ARHGEF9: variants seen among roughly 807,000 people sequenced by gnomAD.
ARHGEF9 encodes the protein rho guanine nucleotide exchange factor 9.
ARHGEF9 carries 2 observed loss-of-function variants against 41.3 expected under a neutral mutation model. The ratio of observed to expected loss-of-function variants is 0.05; its 90% CI spans 0.02 to 0.15. The LOEUF (loss-of-function observed/expected upper bound fraction) is 0.15, where lower values mean the gene tolerates loss of function less well. Ranked by LOEUF, ARHGEF9 falls within the 10% of genes least tolerant of loss-of-function variation. The pLI is 1.00. For synonymous variants in ARHGEF9, 160 were observed against 154.4 expected, an observed-to-expected ratio of 1.04 and a Z score of -0.27; for missense variants, 225 against 424.7, an observed-to-expected ratio of 0.53 and a Z score of 4.13.
chrX:63,702,293 G>C (rs1295903952), intron 3 of ARHGEF9, among the ~76,000 whole-genome samples: 2 of 112,317 alleles, frequency 1.8e-5, no homozygotes, highest in Non-Finnish European at 3.8e-5. Flanking sequence ...TCTTGCCTCA[G>C]TTTCCTTGAT....
Position 63,655,478 on chromosome X carries a change from C to T in ARHGEF9, c.1321+16G>A. ...CTTCATAGCCATGTTCTTCTTTCTACTCTCAGGTCACTTACCAATTTTTTC... is the reference window on the plus strand; with the variant it reads ...CTTCATAGCCATGTTCTTCTTTCTATTCTCAGGTCACTTACCAATTTTTTC... On this transcript the variant is annotated intron_variant, in intron 8 of 9. Coordinates refer to ENST00000671741, the MANE Select transcript of ARHGEF9 (RefSeq NM_001353921.2). 1 of 1,210,840 alleles carries T rather than the reference C, an allele frequency of 8.3e-7. No individual in the cohort carries two copies. The highest frequency in any genetic ancestry group is 1.8e-5 in the South Asian group (1 of 56,966).
In ARHGEF9 at chrX:63,686,700, G is replaced by A. The variant is rs575792066; in HGVS notation, c.583-8128C>T. ...CTGAGAATGTCACCAAAATAGCACA[G>A]TATATGTAGCTTTACTCTCCTCCAC... On this transcript the variant is annotated intron_variant, in intron 4 of 9. Transcript: ENST00000671741. Among the ~76,000 whole-genome samples, 28 of 110,952 alleles carry A rather than the reference G, an allele frequency of 2.5e-4. No individual in the cohort carries two copies. The Middle Eastern group carries it at 0.019, about 74-fold the overall frequency.
Position 63,697,118 on chromosome X carries a change from T to C in ARHGEF9, c.582+7A>G, listed in dbSNP as rs1346333377. 2 of 1,205,973 alleles carry C rather than the reference T, an allele frequency of 1.7e-6. No individual in the cohort carries two copies. The highest frequency in any genetic ancestry group is 1.8e-5 in the African/African-American group (1 of 56,954). Reference sequence around the variant, plus strand: ...CAAAACCCTCCCCAAATGGATAAGATACTTACGTGCTCTAGGAAGCAGGGT... The same window carrying C: ...CAAAACCCTCCCCAAATGGATAAGACACTTACGTGCTCTAGGAAGCAGGGT... On this transcript the variant is annotated splice_region_variant and intron_variant, in intron 4 of 9. Coordinates refer to ENST00000671741, the MANE Select transcript of ARHGEF9 (RefSeq NM_001353921.2).
chrX:63,677,263 C>T (rs1247927383), intron 5 of ARHGEF9, among the ~76,000 whole-genome samples: 1 of 112,099 alleles, frequency 8.9e-6, no homozygotes, highest in Non-Finnish European at 1.9e-5. Flanking sequence ...CTCCCTCTTA[C>T]ATGCAGTCTT....
chrX:63,733,158 T>C (rs1391169627), intron 1 of ARHGEF9, among the ~76,000 whole-genome samples: 5 of 112,425 alleles, frequency 4.4e-5, no homozygotes, highest in African/African-American at 1.6e-4. Flanking sequence ...CCACTTAAAG[T>C]TCTGACTTGA....
At position 63,762,343 on chromosome X, in the gene ARHGEF9, A is replaced by ATGT. The variant is rs781991520; in HGVS notation, c.30+22770_30+22772dup. 3.8e-4 allele frequency among the ~76,000 whole-genome samples: 42 copies of ATGT among 111,908 alleles called. No individual in the cohort carries two copies. The East Asian group carries it at 4.8e-3, about 13-fold the overall frequency. ...AGGTAGGTAGCCAGGATATGGTAAT[A>ATGT]TGTTGAAATTGCAAAACAAGAAAGG... On this transcript the variant is annotated intron_variant, in intron 1 of 9. Coordinates refer to ENST00000671741, the MANE Select transcript of ARHGEF9 (RefSeq NM_001353921.2).
chrX:63,682,342 G>A (rs372332052), intron 4 of ARHGEF9, among the ~76,000 whole-genome samples: 3 of 109,024 alleles, frequency 2.8e-5, no homozygotes, highest in African/African-American at 6.7e-5. Context: ...GTGAAACCCC[G>A]TCTCTAATAA....
chrX:63,655,438 CAAACCTCCT>C, intron 8 of ARHGEF9, 47 bp downstream of exon 8: 4 of 1,206,250 alleles, frequency 3.3e-6, no homozygotes, highest in Non-Finnish European at 4.5e-6. Context: ...GAAACCAATT[CAAACCTCCT>C]ATGTTCTTCA....
chrX:63,641,597 T>A (rs1353166581), intron 9 of ARHGEF9: 1 of 111,543 alleles, frequency 9.0e-6, no homozygotes, highest in Non-Finnish European at 1.9e-5. Flanking sequence ...GCTTTATAGA[T>A]ATTCCTTTGT....
At chrX:63,671,668 C>T (rs2049965188) in intron 6 of ARHGEF9, among the ~76,000 whole-genome samples, 1 of 112,197 alleles carries the variant, frequency 8.9e-6, no homozygotes, top group African/African-American at 3.2e-5. Context: ...CTGTCTTTCA[C>T]CATCATTGCA....
chrX:63,661,351 G>A (rs782741540), intron 7 of ARHGEF9, among the ~76,000 whole-genome samples: 7 of 111,599 alleles, frequency 6.3e-5, no homozygotes, highest in Non-Finnish European at 1.3e-4. Flanking sequence ...GAACAGTTAT[G>A]ACACAAGGGA....
rs192969730 is a variant in ARHGEF9, at chrX:63,686,283, C to T, written c.583-7711G>A. On this transcript the variant is annotated intron_variant, in intron 4 of 9. Transcript: ENST00000671741. The stretch of plus-strand genomic sequence containing the variant: ...GCCAGGCACAAAAAGACAAATATCA[C>T]ATGTTCTCATTTATTTGGGGGTGCT... Among the ~76,000 whole-genome samples the T allele has an allele frequency of 2.2e-4, 24 of 111,600 alleles. No individual in the cohort carries two copies. The East Asian group carries it at 6.5e-3, about 30-fold the overall frequency.
chrX:63,764,354 C>A (rs1398355686), intron 1 of ARHGEF9, among the ~76,000 whole-genome samples: 3 of 112,640 alleles, frequency 2.7e-5, no homozygotes, highest in African/African-American at 6.5e-5. Flanking sequence ...AAAAGGAATG[C>A]TTTTACACTG....
intron 1 of ARHGEF9, among the ~76,000 whole-genome samples, chrX:63,744,507 T>C (rs1304705779): frequency 8.9e-6 from 1 of 112,408 alleles, no homozygotes; most frequent in Non-Finnish European, 1.9e-5. Context: ...TGACTTTAAG[T>C]GGCACTGTAA....
chrX:63,648,522 C>G (rs2048292343), intron 8 of ARHGEF9, among the ~76,000 whole-genome samples: 2 of 111,364 alleles, frequency 1.8e-5, no homozygotes. Flanking sequence ...ACCATCGAGG[C>G]TAGGAAGAAA....
chrX:63,767,120 C>A, intron 1 of ARHGEF9: 1 of 936,258 alleles, frequency 1.1e-6, no homozygotes, highest in African/African-American at 1.9e-5. Context: ...ACACTTTCAC[C>A]ATTACAGGCC....
intron 3 of ARHGEF9, among the ~76,000 whole-genome samples, chrX:63,702,993 G>T (rs782524687): frequency 8.9e-6 from 1 of 111,849 alleles, no homozygotes; most frequent in Non-Finnish European, 1.9e-5. Context: ...TCCCAATTCT[G>T]AGTCTGGTAT....
chrX:63,769,667 G>A (rs782680358), intron 1 of ARHGEF9, among the ~76,000 whole-genome samples: 3 of 111,577 alleles, frequency 2.7e-5, no homozygotes, highest in Non-Finnish European at 5.7e-5. Context: ...CTAGGGACTT[G>A]GTGCCCTGTG....
At chrX:63,678,021 C>T (rs1426153258) in intron 5 of ARHGEF9, among the ~76,000 whole-genome samples, 2 of 111,501 alleles carry the variant, frequency 1.8e-5, no homozygotes, top group Non-Finnish European at 3.8e-5. Flanking sequence ...TGGTTTACAT[C>T]TTTGGGTTCG....
Sources: allele counts gnomAD v4.1 joint callset (sites outside exome capture counted in the v4.1 genomes callset), GRCh38; gene constraint gnomAD v4.1.1; transcripts MANE v1.5; gene names NCBI Gene and HGNC (gene_info 2026-07-23, HGNC 2026-07-21).